Variants in PPFIBP1 observed in about 807,000 individuals in gnomAD.
PPFIBP1 encodes PPFIB scaffold protein 1.
Under a neutral mutation model 137.8 loss-of-function variants are expected in PPFIBP1, and 112 were observed. The observed-to-expected ratio is 0.81, with a 90% CI of 0.70 to 0.95. The LOEUF (loss-of-function observed/expected upper bound fraction) is 0.95. Among genes scored for constraint, PPFIBP1 ranks in the 40% least tolerant of loss-of-function variants. The pLI is 0.00. For missense variants in PPFIBP1, 1,083 were observed against 1,196.6 expected (o/e 0.91, Z 1.40); for synonymous variants, 378 against 417.3 (o/e 0.91, Z 1.15).
chr12:27,545,239 TG>T (rs1208458636), intron 1 of PPFIBP1, among the ~76,000 whole-genome samples: 1 of 116,584 alleles, frequency 8.6e-6, no homozygotes, highest in African/African-American at 3.3e-5. Flanking sequence ...GTTGGAGGGG[TG>T]GGGGGCAAAG....
At chr12:27,629,193 T>G (rs7964479) in intron 2 of PPFIBP1, among the ~76,000 whole-genome samples, 3 of 152,236 alleles carry the variant, frequency 2.0e-5, no homozygotes, top group Non-Finnish European at 2.9e-5. Context: ...AAATTAGTTC[T>G]AAATGAATTT....
At chr12:27,533,496 T>G (rs745328511) in intron 1 of PPFIBP1, among the ~76,000 whole-genome samples, 2 of 152,202 alleles carry the variant, frequency 1.3e-5, no homozygotes, top group Non-Finnish European at 2.9e-5. Flanking sequence ...ACTCAGAATT[T>G]GAACTCAGGC....
At position 27,682,611 on chromosome 12, in the gene PPFIBP1, T is replaced by C. The variant is rs772509633; in HGVS notation, c.2159-4T>C. The stretch of plus-strand genomic sequence containing the variant: ...TGGTAGCAACACTGGCCTCTCTCTT[T>C]TAGGATGGTTGGATGACATTGGCCT... On this transcript the variant is annotated splice_polypyrimidine_tract_variant and splice_region_variant and intron_variant, in intron 23 of 29. Transcript: ENST00000228425. 2.5e-5 allele frequency: 40 copies of C among 1,614,018 alleles called. No individual in the cohort carries two copies. Among genetic ancestry groups the C allele is most frequent in the Non-Finnish European group, 3.1e-5 (37 of 1,180,016 alleles).
At chr12:27,690,595 A>T (rs1395761094) in intron 27 of PPFIBP1, among the ~76,000 whole-genome samples, 1 of 152,268 alleles carries the variant, frequency 6.6e-6, no homozygotes. Flanking sequence ...CCTGGACAAC[A>T]GAGCAAGATT....
chr12:27,599,381 A>C (rs755594203), intron 2 of PPFIBP1: 171 of 448,298 alleles, frequency 3.8e-4, no homozygotes, highest in South Asian at 1.3e-3. Flanking sequence ...CCTCCTGCTT[A>C]TCAAGCCTTC....
At chr12:27,604,461 A>G (rs1592787878) in intron 2 of PPFIBP1, among the ~76,000 whole-genome samples, 3 of 152,336 alleles carry the variant, frequency 2.0e-5, no homozygotes, top group Admixed American at 2.0e-4. Context: ...CTCATCAGTC[A>G]TCACAGAGTT....
chr12:27,646,507 TAGCTGGG>T (rs1278995986), intron 5 of PPFIBP1, among the ~76,000 whole-genome samples: 2 of 151,606 alleles, frequency 1.3e-5, no homozygotes, highest in Non-Finnish European at 2.9e-5. Context: ...GCCTCCCAAG[TAGCTGGG>T]ATTACAGGTG....
chr12:27,672,095 G>A (rs1345801338), intron 14 of PPFIBP1, among the ~76,000 whole-genome samples: 2 of 151,962 alleles, frequency 1.3e-5, no homozygotes, highest in South Asian at 4.2e-4. Flanking sequence ...AAAAGTTTAG[G>A]GAACTTGGAT....
At chr12:27,638,690 T>A (rs776751413) in intron 4 of PPFIBP1, among the ~76,000 whole-genome samples, 17 of 151,842 alleles carry the variant, frequency 1.1e-4, no homozygotes, top group Non-Finnish European at 1.8e-4. Flanking sequence ...AGGGAAGGAG[T>A]TGGGTCCAGT....
intron 2 of PPFIBP1, among the ~76,000 whole-genome samples, chr12:27,595,468 C>T (rs2053101472): frequency 6.6e-6 from 1 of 152,096 alleles, no homozygotes; most frequent in Non-Finnish European, 1.5e-5. Flanking sequence ...ACCATGGCAA[C>T]AGAAAGACCT....
intron 2 of PPFIBP1, among the ~76,000 whole-genome samples, chr12:27,612,723 C>T (rs2055279057): frequency 6.6e-6 from 1 of 152,160 alleles, no homozygotes; most frequent in South Asian, 2.1e-4. Flanking sequence ...GCTATGTACC[C>T]TCTTAGGCTT....
intron 7 of PPFIBP1, among the ~76,000 whole-genome samples, chr12:27,651,338 C>A (rs1346963275): frequency 6.6e-6 from 1 of 151,458 alleles, no homozygotes; most frequent in Non-Finnish European, 1.5e-5. Flanking sequence ...AACTCCTGGC[C>A]TCAAGCAATT....
chr12:27,574,123 C>G (rs1225648878), intron 1 of PPFIBP1, among the ~76,000 whole-genome samples: 1 of 152,180 alleles, frequency 6.6e-6, no homozygotes, highest in Non-Finnish European at 1.5e-5. Flanking sequence ...CAGAAGGGCA[C>G]TGAGTCACAT....
At chr12:27,566,152 T>C (rs2049646674) in intron 1 of PPFIBP1, among the ~76,000 whole-genome samples, 1 of 152,206 alleles carries the variant, frequency 6.6e-6, no homozygotes, top group African/African-American at 2.4e-5. Context: ...GAATACATTT[T>C]TTAAATGATA....
chr12:27,580,316 A>G (rs1267313154), intron 2 of PPFIBP1, among the ~76,000 whole-genome samples: 2 of 152,138 alleles, frequency 1.3e-5, no homozygotes, highest in Non-Finnish European at 2.9e-5. Flanking sequence ...GAAAAAATGT[A>G]TTTTCCCAAA....
chr12:27,668,548 C>T (rs2059999626), intron 13 of PPFIBP1, among the ~76,000 whole-genome samples: 9 of 152,218 alleles, frequency 5.9e-5, no homozygotes, highest in Admixed American at 5.9e-4. Flanking sequence ...AGTTTTGTGC[C>T]TGCAGAAGTG....
chr12:27,690,613 T>TA (rs1459683283), intron 27 of PPFIBP1, among the ~76,000 whole-genome samples: 1 of 152,196 alleles, frequency 6.6e-6, no homozygotes, highest in Non-Finnish European at 1.5e-5. Flanking sequence ...ATTCTGCCTC[T>TA]AAAAAAATAA....
At chr12:27,602,652 T>C (rs1480395717) in intron 2 of PPFIBP1, among the ~76,000 whole-genome samples, 1 of 152,228 alleles carries the variant, frequency 6.6e-6, no homozygotes, top group Non-Finnish European at 1.5e-5. Flanking sequence ...CATTCATTAT[T>C]CTAAGTAACA....
chr12:27,581,785 C>T (rs538175397), intron 2 of PPFIBP1, among the ~76,000 whole-genome samples: 5 of 152,078 alleles, frequency 3.3e-5, no homozygotes, highest in East Asian at 1.9e-4. Context: ...TTAATTGGTT[C>T]GTGATAACTG....
Sources: allele counts gnomAD v4.1 joint callset (sites outside exome capture counted in the v4.1 genomes callset), GRCh38; gene constraint gnomAD v4.1.1; transcripts MANE v1.5; gene names NCBI Gene and HGNC (gene_info 2026-07-23, HGNC 2026-07-21).